The following YLPM1 variants were observed in gnomAD, a reference collection of about 807,000 sequenced individuals.
YLPM1 encodes the protein YLP motif-containing protein 1.
A neutral mutation model predicts 230.0 loss-of-function variants in YLPM1; 99 were observed. The ratio of observed to expected loss-of-function variants is 0.43; its 90% CI spans 0.37 to 0.51. The LOEUF (loss-of-function observed/expected upper bound fraction) is 0.51. Among genes scored for constraint, YLPM1 ranks in the 20% least tolerant of loss-of-function variants. The pLI, the probability that YLPM1 is intolerant of heterozygous loss-of-function variation, is 0.00. For missense variants in YLPM1, 2,592 were observed against 2,707.7 expected (o/e 0.96, Z 0.95); for synonymous variants, 984 against 942.5 (o/e 1.04, Z -0.81).
intron 1 of YLPM1, among the ~76,000 whole-genome samples, chr14:74,770,085 G>A (rs1457501686): frequency 6.6e-6 from 1 of 151,950 alleles, no homozygotes; most frequent in Non-Finnish European, 1.5e-5. Flanking sequence ...AGGAAGCTGA[G>A]GCAGGAGAAT....
At chr14:74,783,279 G>C (rs1400337200) in intron 4 of YLPM1, among the ~76,000 whole-genome samples, 2 of 152,094 alleles carry the variant, frequency 1.3e-5, no homozygotes, top group Non-Finnish European at 2.9e-5. Flanking sequence ...ATGTTGACCA[G>C]GCTGGTCTCA....
intron 11 of YLPM1, among the ~76,000 whole-genome samples, chr14:74,815,141 C>T (rs2091466849): frequency 6.6e-6 from 1 of 152,182 alleles, no homozygotes. Flanking sequence ...CTCAAGTGAC[C>T]CTCCTGCCTC....
At chr14:74,802,865 G>A (rs2091341651) in intron 6 of YLPM1, among the ~76,000 whole-genome samples, 189 bp downstream of exon 6, 1 of 152,152 alleles carries the variant, frequency 6.6e-6, no homozygotes, top group Admixed American at 6.5e-5. Context: ...TGGTAGAGAT[G>A]CTCCTTTTCC....
At chr14:74,766,898 T>C (rs12883500) in intron 1 of YLPM1, among the ~76,000 whole-genome samples, 16,070 of 149,590 alleles carry the variant, frequency 0.11, 1,172 homozygotes, top group African/African-American at 0.22. Context: ...TTTTTTTTTT[T>C]TTTGAGATGG....
intron 4 of YLPM1, among the ~76,000 whole-genome samples, chr14:74,791,466 G>C (rs1032836391): frequency 1.3e-5 from 2 of 152,138 alleles, no homozygotes; most frequent in Non-Finnish European, 2.9e-5. Flanking sequence ...CCTCTTATCT[G>C]CACACCTTTT....
In YLPM1 at chr14:74,812,613, C is replaced by A. The variant is rs1173036999; in HGVS notation, c.5348-15C>A. 1 of 1,603,236 alleles carries A rather than the reference C, an allele frequency of 6.2e-7. No homozygotes were observed. The highest frequency in any genetic ancestry group is 1.7e-5 in the Admixed American group (1 of 57,714). On this transcript the variant is annotated splice_polypyrimidine_tract_variant and intron_variant, in intron 10 of 20. Coordinates refer to ENST00000325680, the MANE Select transcript of YLPM1 (RefSeq NM_019589.3). ...CTCTACAAATAGTAATTTTGTTCAACTGCTGGAATCCTAGGAGAACGAAGG... is the reference window on the plus strand; with the variant it reads ...CTCTACAAATAGTAATTTTGTTCAAATGCTGGAATCCTAGGAGAACGAAGG...
At chr14:74,804,801 C>T (rs1378724258) in intron 6 of YLPM1, among the ~76,000 whole-genome samples, 2 of 152,088 alleles carry the variant, frequency 1.3e-5, no homozygotes, top group East Asian at 1.9e-4. Context: ...TAAATAGAAG[C>T]GCCAGATTGT....
In YLPM1 at chr14:74,835,981, T is replaced by C. The variant is rs1184692916; in HGVS notation, c.*243T>C. 1 of 441,898 alleles carries C rather than the reference T, an allele frequency of 2.3e-6. No homozygotes were observed. Among genetic ancestry groups the C allele is most frequent in the Non-Finnish European group, 4.5e-6 (1 of 221,230 alleles). 27.4% of individuals were successfully genotyped at this position (441,898 alleles called of 1,614,324 possible). On this transcript the variant is annotated 3_prime_UTR_variant, in exon 21 of 21. Coordinates refer to ENST00000325680, the MANE Select transcript of YLPM1 (RefSeq NM_019589.3). ...ACTGTTTTGGGGAGGGAGGGAGTGA[T>C]AGCTTAACTGCTGAAGCCAGGCGGG...
chr14:74,815,721 G>A (rs976792872), intron 11 of YLPM1, among the ~76,000 whole-genome samples: 6 of 151,820 alleles, frequency 4.0e-5, no homozygotes, highest in Non-Finnish European at 7.4e-5. Context: ...TCTTTTTCAA[G>A]TGTCTTAAAG....
At chr14:74,827,649 A>G (rs528392966) in intron 18 of YLPM1, 1 of 985,402 alleles carries the variant, frequency 1.0e-6, no homozygotes, top group Non-Finnish European at 1.2e-6. Flanking sequence ...GAAGTATGTT[A>G]ATGTCAAAGT....
intron 1 of YLPM1, among the ~76,000 whole-genome samples, chr14:74,767,393 GTTTTT>G (rs889155016): frequency 6.6e-6 from 1 of 152,136 alleles, no homozygotes; most frequent in Admixed American, 6.5e-5. Flanking sequence ...CCCAAACAAT[GTTTTT>G]TTGGTGTGTT....
intron 4 of YLPM1, among the ~76,000 whole-genome samples, chr14:74,791,967 T>C (rs958343727): frequency 2.0e-5 from 3 of 152,170 alleles, no homozygotes; most frequent in Non-Finnish European, 4.4e-5. Context: ...TGGAAGATAG[T>C]CTTCTTTTAT....
At chr14:74,825,085 C>T (rs2091551840) in intron 18 of YLPM1, among the ~76,000 whole-genome samples, 1 of 152,114 alleles carries the variant, frequency 6.6e-6, no homozygotes, top group African/African-American at 2.4e-5. Context: ...TGAGATCAGC[C>T]TTACTGATGT....
chr14:74,832,670 G>T (rs576472568), intron 19 of YLPM1, among the ~76,000 whole-genome samples: 1 of 151,810 alleles, frequency 6.6e-6, no homozygotes. Flanking sequence ...ACGGGGTTTC[G>T]CCATGTTGGC....
chr14:74,818,837 C>T (rs2091499319), intron 16 of YLPM1, among the ~76,000 whole-genome samples: 1 of 152,068 alleles, frequency 6.6e-6, no homozygotes, highest in African/African-American at 2.4e-5. Flanking sequence ...TCAGCCTTGT[C>T]ATTGTCATGA....
chr14:74,828,438 T>C (rs1222454487), intron 18 of YLPM1, among the ~76,000 whole-genome samples: 1 of 152,222 alleles, frequency 6.6e-6, no homozygotes, highest in African/African-American at 2.4e-5. Flanking sequence ...TTTCATTGCG[T>C]GTTCTTCTTT....
chr14:74,804,190 C>T (rs1264801058), intron 6 of YLPM1, among the ~76,000 whole-genome samples: 5 of 152,090 alleles, frequency 3.3e-5, no homozygotes, highest in Non-Finnish European at 7.4e-5. Context: ...ATTCTCATCA[C>T]CCTAAAAAGT....
intron 4 of YLPM1, among the ~76,000 whole-genome samples, chr14:74,789,001 T>C (rs529052583): frequency 6.6e-6 from 1 of 152,342 alleles, no homozygotes; most frequent in South Asian, 2.1e-4. Flanking sequence ...AACTATCCAG[T>C]TCACCCCAAC....
At position 74,836,175 on chromosome 14, in the gene YLPM1, C is replaced by T. The variant is rs1047923984; in HGVS notation, c.*437C>T. On this transcript the variant is annotated 3_prime_UTR_variant, in exon 21 of 21. Transcript: ENST00000325680. ...CTTTCATGATAAAGCCGATGAGATT[C>T]ATGGGCTATACAGCATGGGCCCTTT... 11 of 193,572 alleles carry T rather than the reference C, an allele frequency of 5.7e-5. No homozygotes were observed. Among genetic ancestry groups the T allele is most frequent in the Non-Finnish European group, 1.1e-4 (10 of 93,458 alleles). 12.0% of individuals were successfully genotyped at this position (193,572 alleles called of 1,614,324 possible).
Sources: allele counts gnomAD v4.1 joint callset (sites outside exome capture counted in the v4.1 genomes callset), GRCh38; gene constraint gnomAD v4.1.1; transcripts MANE v1.5; gene names NCBI Gene and HGNC (gene_info 2026-07-23, HGNC 2026-07-21).